Variants in RNF217 observed in about 807,000 individuals in gnomAD.
RNF217 encodes E3 ubiquitin-protein ligase RNF217.
Under a neutral mutation model 57.8 loss-of-function variants are expected in RNF217, and 31 were observed. The observed-to-expected ratio is 0.54, with a 90% CI of 0.40 to 0.72. The LOEUF (loss-of-function observed/expected upper bound fraction) is 0.72. Among genes scored for constraint, RNF217 ranks in the 30% least tolerant of loss-of-function variants. The probability of loss-of-function intolerance (pLI) is 0.00; values close to 1 mark genes in which losing one functional copy is unlikely to be tolerated. For missense variants in RNF217, 696 were observed against 708.3 expected (o/e 0.98, Z 0.20); for synonymous variants, 313 against 294.0 (o/e 1.06, Z -0.66).
intron 1 of RNF217, among the ~76,000 whole-genome samples, chr6:124,984,558 A>AGAAAG (rs572342478): frequency 2.3e-4 from 34 of 150,728 alleles, no homozygotes; most frequent in African/African-American, 4.1e-4. Context: ...AAAAAAAAAA[A>AGAAAG]AAAGAAAGAA....
intron 1 of RNF217, among the ~76,000 whole-genome samples, chr6:124,964,441 T>TA (rs35672227): frequency 0.22 from 34,103 of 152,044 alleles, 4,422 homozygotes; most frequent in East Asian, 0.38. Flanking sequence ...GACAATGTCT[T>TA]AGAGTCCCAT....
chr6:125,066,595 G>A (rs1787945980), intron 3 of RNF217, among the ~76,000 whole-genome samples: 2 of 152,122 alleles, frequency 1.3e-5, no homozygotes. Flanking sequence ...AACTTCCCTT[G>A]GTCACCTTAT....
intron 1 of RNF217, among the ~76,000 whole-genome samples, chr6:125,007,710 G>C (rs1785243765): frequency 6.6e-6 from 1 of 152,052 alleles, no homozygotes; most frequent in African/African-American, 2.4e-5. Context: ...CATCCTTACT[G>C]GGGGGAAACT....
chr6:124,994,925 T>G lies in RNF217; in HGVS notation c.882+31499T>G, dbSNP rs554787998. 2.7e-3 allele frequency among the ~76,000 whole-genome samples: 416 copies of G among 152,314 alleles called. 1 individual carries two copies. The highest frequency in any genetic ancestry group is 5.1e-3 in the Non-Finnish European group (346 of 68,026). On this transcript the variant is annotated intron_variant, in intron 1 of 5. Transcript: ENST00000521654. Reference sequence around the variant, plus strand: ...AGAAAGTTGAGGTATACTACGAGAATTTTTTATGATCCAGGAATAGACAAC... The same window carrying G: ...AGAAAGTTGAGGTATACTACGAGAAGTTTTTATGATCCAGGAATAGACAAC...
chr6:124,986,819 G>A (rs1410023174), intron 1 of RNF217, among the ~76,000 whole-genome samples: 1 of 152,092 alleles, frequency 6.6e-6, no homozygotes, highest in Non-Finnish European at 1.5e-5. Flanking sequence ...AATAGTATTA[G>A]TAATAATAAA....
intron 1 of RNF217, among the ~76,000 whole-genome samples, chr6:125,003,584 AAG>A (rs1785063572): frequency 6.6e-6 from 1 of 152,214 alleles, no homozygotes; most frequent in Admixed American, 6.6e-5. Flanking sequence ...AAATTGCTGA[AAG>A]AGTAGATTTT....
At chr6:125,059,713 A>G (rs1201808183) in intron 3 of RNF217, among the ~76,000 whole-genome samples, 1 of 152,218 alleles carries the variant, frequency 6.6e-6, no homozygotes, top group Non-Finnish European at 1.5e-5. Flanking sequence ...AGGAAGAAAA[A>G]GAAGCCGACC....
chr6:125,029,638 G>T (rs367904403), intron 1 of RNF217, among the ~76,000 whole-genome samples: 1 of 152,158 alleles, frequency 6.6e-6, no homozygotes, highest in African/African-American at 2.4e-5. Flanking sequence ...AACTCTGTAG[G>T]GGGGAGAAGT....
In RNF217 at chr6:125,045,449, G is replaced by A. The variant is rs751719778; in HGVS notation, c.1116+5G>A. 1 of 1,606,542 alleles carries A rather than the reference G, an allele frequency of 6.2e-7. No homozygotes were observed. The highest frequency in any genetic ancestry group is 8.5e-7 in the Non-Finnish European group (1 of 1,174,602). ...AGATCAGAAAGCAAATACAAAGTAA[G>A]CATTTTCACCAGAGCTGTGGGTTAG... On this transcript the variant is annotated splice_donor_5th_base_variant and intron_variant, in intron 2 of 5. Coordinates refer to ENST00000521654, the MANE Select transcript of RNF217 (RefSeq NM_001286398.3).
chr6:125,055,694 G>A (rs58658025), intron 2 of RNF217, among the ~76,000 whole-genome samples: 14,753 of 152,086 alleles, frequency 0.097, 710 homozygotes, highest in Middle Eastern at 0.14. Context: ...GAAGATAACC[G>A]AATTAACTTT....
intron 1 of RNF217, among the ~76,000 whole-genome samples, chr6:124,964,353 A>G (rs769363123): frequency 8.5e-5 from 13 of 152,084 alleles, no homozygotes; most frequent in African/African-American, 1.4e-4. Flanking sequence ...CTGCTTATAT[A>G]CTTTCACAGT....
chr6:125,060,525 A>ACCTTCGCC (rs1787688674), intron 3 of RNF217, among the ~76,000 whole-genome samples: 1 of 152,130 alleles, frequency 6.6e-6, no homozygotes, highest in Non-Finnish European at 1.5e-5. Context: ...GCTCACTGCA[A>ACCTTCGCC]CCTTCGCCTC....
intron 1 of RNF217, among the ~76,000 whole-genome samples, chr6:125,026,901 A>G (rs370724799): frequency 6.6e-6 from 1 of 152,082 alleles, no homozygotes; most frequent in Non-Finnish European, 1.5e-5. Flanking sequence ...GCAAAGAGTA[A>G]TTGTGTTTTG....
chr6:124,981,676 C>T (rs190015645), intron 1 of RNF217, among the ~76,000 whole-genome samples: 39 of 152,132 alleles, frequency 2.6e-4, no homozygotes, highest in Admixed American at 7.2e-4. Flanking sequence ...TGTGAAGATA[C>T]GCTATCATAT....
chr6:125,020,910 G>T (rs1785812424), intron 1 of RNF217, among the ~76,000 whole-genome samples: 1 of 152,132 alleles, frequency 6.6e-6, no homozygotes, highest in Non-Finnish European at 1.5e-5. Flanking sequence ...AAGTTTTGGA[G>T]GGTTTTTGTA....
At position 124,963,102 on chromosome 6, in the gene RNF217, G is replaced by A. The variant is rs375115917; in HGVS notation, c.558G>A (p.Ala186=). The change falls in exon 1 of 6, where the codon GCG becomes GCA. Residue 186 remains alanine (A), a synonymous_variant. Transcript: ENST00000521654. The part of the protein sequence containing the change: ...APASEQLSPP[A]SPPGAPPVLN... ...CCTCGGAGCAGCTCTCGCCGCCCGC[G>A]TCGCCACCTGGGGCTCCGCCAGTGT... 8.8e-5 allele frequency: 136 copies of A among 1,540,222 alleles called. No homozygotes were observed. The African/African-American group carries it at 1.6e-3, about 18-fold the overall frequency.
intron 1 of RNF217, among the ~76,000 whole-genome samples, chr6:125,024,320 C>T (rs772452968): frequency 1.3e-5 from 2 of 152,140 alleles, no homozygotes; most frequent in African/African-American, 2.4e-5. Context: ...CGGTGGCTCA[C>T]GCCTGTAATC....
At chr6:125,033,197 CTTT>C (rs200597285) in intron 1 of RNF217, among the ~76,000 whole-genome samples, 1 of 140,796 alleles carries the variant, frequency 7.1e-6, no homozygotes, top group African/African-American at 2.6e-5. Flanking sequence ...ATTCTGTGTT[CTTT>C]TTTTTTTTTT....
intron 1 of RNF217, among the ~76,000 whole-genome samples, chr6:124,989,949 G>T (rs183265823): frequency 6.7e-6 from 1 of 149,150 alleles, no homozygotes; most frequent in Non-Finnish European, 1.5e-5. Context: ...TGTTCCTCTT[G>T]TGTGCTTTCT....
Sources: gnomAD v4.1 joint callset for allele counts (sites outside exome capture counted in the v4.1 genomes callset) on GRCh38, gnomAD v4.1.1 for gene constraint, MANE v1.5 for transcripts, NCBI Gene and HGNC (gene_info 2026-07-23, HGNC 2026-07-21) for gene names.